Variants in TMEM161B observed in about 807,000 individuals in gnomAD.
TMEM161B encodes the protein transmembrane protein 161B.
Under a neutral mutation model 61.8 loss-of-function variants are expected in TMEM161B, and 34 were observed. The ratio of observed to expected loss-of-function variants is 0.55; its 90% confidence interval spans 0.42 to 0.73. The LOEUF (loss-of-function observed/expected upper bound fraction) is 0.73. Ranked by LOEUF, TMEM161B falls within the 30% of genes least tolerant of loss-of-function variation. TMEM161B has a pLI of 0.00. For missense variants in TMEM161B, 456 were observed against 558.5 expected (o/e 0.82, Z 1.85); for synonymous variants, 167 against 192.8 (o/e 0.87, Z 1.11).
rs183831575 is a variant in TMEM161B, at chr5:88,211,159, T to A, written c.447-3979A>T. ...AGAGTATCACATCTTATAAAAAAAATACGAGCTAAAATCTGCAACAGAAAA... is the reference window on the plus strand; with the variant it reads ...AGAGTATCACATCTTATAAAAAAAAAACGAGCTAAAATCTGCAACAGAAAA... On this transcript the variant is annotated intron_variant, in intron 5 of 11. Coordinates refer to ENST00000296595, the MANE Select transcript of TMEM161B (RefSeq NM_153354.5). Among the ~76,000 whole-genome samples, 1,139 of 151,228 alleles carry A rather than the reference T, an allele frequency of 7.5e-3. 13 individuals are homozygous for A. Among genetic ancestry groups the A allele is most frequent in the African/African-American group, 0.026 (1,066 of 41,168 alleles).
chr5:88,188,496 A>G (rs1336909780), downstream of TMEM161B, among the ~76,000 whole-genome samples: 1 of 152,108 alleles, frequency 6.6e-6, no homozygotes. Context: ...ACATTTCTTA[A>G]TCTATTTTTT....
downstream of TMEM161B, chr5:88,195,003 T>A (rs1017523655): frequency 1.2e-4 from 39 of 331,348 alleles, no homozygotes; most frequent in Non-Finnish European, 1.7e-4. Context: ...ACAAAAATAT[T>A]TCTAATTCTA....
At position 88,268,784 on chromosome 5, in the gene TMEM161B, T is replaced by C; in HGVS notation, c.-61A>G. On this transcript the variant is annotated 5_prime_UTR_variant, in exon 1 of 12. Transcript: ENST00000296595. ...AGTTGCCGGGGCAGTCCCAAACCTC[T>C]TACCTCCCGGTCCTTGAGCCGAGAG... 6.2e-7 allele frequency: 1 copy of C among 1,612,982 alleles called. No homozygotes were observed. Among genetic ancestry groups the C allele is most frequent in the South Asian group, 1.1e-5 (1 of 90,980 alleles).
At chr5:88,196,781 A>T (rs1173051855) in intron 11 of TMEM161B, among the ~76,000 whole-genome samples, 1 of 152,110 alleles carries the variant, frequency 6.6e-6, no homozygotes, top group African/African-American at 2.4e-5. Context: ...TCATTGTATA[A>T]GAAATTAATC....
chr5:88,186,576 A>G (rs1291849163), downstream of TMEM161B, among the ~76,000 whole-genome samples: 2 of 151,724 alleles, frequency 1.3e-5, no homozygotes, highest in Non-Finnish European at 2.9e-5. Context: ...TAACATGTCT[A>G]TTTCCTTTTT....
At chr5:88,237,698 G>C (rs892223169) in intron 2 of TMEM161B, among the ~76,000 whole-genome samples, 4 of 133,742 alleles carry the variant, frequency 3.0e-5, no homozygotes, top group Non-Finnish European at 6.4e-5. Flanking sequence ...AATATTAATA[G>C]AGTTAAACCA....
intron 1 of TMEM161B, among the ~76,000 whole-genome samples, chr5:88,266,886 C>A (rs1334416188): frequency 6.6e-6 from 1 of 152,110 alleles, no homozygotes; most frequent in Non-Finnish European, 1.5e-5. Flanking sequence ...GGAAAAGAGC[C>A]AACTAGTTAG....
downstream of TMEM161B, among the ~76,000 whole-genome samples, chr5:88,191,039 T>C (rs2112298125): frequency 6.6e-6 from 1 of 152,342 alleles, no homozygotes; most frequent in East Asian, 1.9e-4. Context: ...ACACAGGCAT[T>C]CAATAATTGT....
At chr5:88,222,707 T>C (rs532563899) in intron 4 of TMEM161B, among the ~76,000 whole-genome samples, 5 of 152,300 alleles carry the variant, frequency 3.3e-5, no homozygotes, top group Admixed American at 2.0e-4. Context: ...GAGGTTCTTA[T>C]AATAGATAAT....
At chr5:88,219,719 G>C (rs901396116) in intron 5 of TMEM161B, among the ~76,000 whole-genome samples, 11 of 152,042 alleles carry the variant, frequency 7.2e-5, no homozygotes, top group African/African-American at 2.7e-4. Context: ...ATTTTCTACT[G>C]AGCCAACCTA....
At chr5:88,249,505 C>A (rs1239603662) in intron 1 of TMEM161B, among the ~76,000 whole-genome samples, 3 of 152,066 alleles carry the variant, frequency 2.0e-5, no homozygotes, top group Non-Finnish European at 4.4e-5. Context: ...TTCAATCTTG[C>A]ACGTAGTTCC....
Position 88,196,211 on chromosome 5 carries a change from T to C in TMEM161B, c.1464A>G (p.Ter488TrpextTer15). 6.2e-7 allele frequency: 1 copy of C among 1,601,290 alleles called. No homozygotes were observed. Among genetic ancestry groups the C allele is most frequent in the African/African-American group, 1.4e-5 (1 of 74,060 alleles). The stretch of plus-strand genomic sequence containing the variant: ...GATATGCTTTTTTGTTAACTGAGAT[T>C]CATGCCACAGTCAGATACTGGTGAT... ...LFYHQYLTVA[*>W] is the part of the protein sequence containing the mutation. Residue 488 changes from the stop codon to tryptophan (W), a stop_lost, in exon 12 of 12, where the codon TGA (stop) becomes TGG (tryptophan). Transcript: ENST00000296595.
chr5:88,267,298 C>A (rs1368164746), intron 1 of TMEM161B, among the ~76,000 whole-genome samples: 1 of 151,258 alleles, frequency 6.6e-6, no homozygotes, highest in Non-Finnish European at 1.5e-5. Flanking sequence ...TTCACTGATA[C>A]AAAAGAAAAA....
chr5:88,202,035 G>C (rs1021369813), intron 9 of TMEM161B: 29 of 426,548 alleles, frequency 6.8e-5, no homozygotes, highest in Non-Finnish European at 1.4e-4. Context: ...CATTTATTAA[G>C]CACTTAATTC....
chr5:88,262,230 T>A (rs1755778624), intron 1 of TMEM161B, among the ~76,000 whole-genome samples: 1 of 152,160 alleles, frequency 6.6e-6, no homozygotes, highest in Non-Finnish European at 1.5e-5. Context: ...TATACACCTA[T>A]TAGAATGGCC....
intron 9 of TMEM161B, chr5:88,200,861 A>T (rs1312156032): frequency 6.6e-6 from 1 of 152,038 alleles, no homozygotes; most frequent in Non-Finnish European, 1.5e-5. Context: ...ATCAGAACAC[A>T]TGATGGACTC....
chr5:88,193,274 AATC>A (rs1447885605), downstream of TMEM161B, among the ~76,000 whole-genome samples: 4 of 152,164 alleles, frequency 2.6e-5, no homozygotes, highest in Non-Finnish European at 5.9e-5. Flanking sequence ...CAATCCTACT[AATC>A]ATACAAAACC....
intron 9 of TMEM161B, chr5:88,200,772 TG>T (rs1183455769): frequency 6.6e-6 from 1 of 152,128 alleles, no homozygotes; most frequent in Non-Finnish European, 1.5e-5. Context: ...TGAGCTTTCC[TG>T]TATATGCTGT....
At chr5:88,214,156 A>G (rs1362048527) in intron 5 of TMEM161B, among the ~76,000 whole-genome samples, 6 of 152,170 alleles carry the variant, frequency 3.9e-5, no homozygotes, top group Admixed American at 3.9e-4. Flanking sequence ...TTTAACTTAA[A>G]CTAGTCACAG....
Sources: gnomAD v4.1 joint callset for allele counts (sites outside exome capture counted in the v4.1 genomes callset) on GRCh38, gnomAD v4.1.1 for gene constraint, MANE v1.5 for transcripts, NCBI Gene and HGNC (gene_info 2026-07-23, HGNC 2026-07-21) for gene names.